APLF: variants seen among roughly 807,000 people sequenced by gnomAD.
The protein encoded by APLF is aprataxin and PNKP like factor, also known as aprataxin and PNK-like factor.
Under a neutral mutation model 55.6 loss-of-function variants are expected in APLF, and 61 were observed. The observed-to-expected ratio is 1.10, with a 90% CI of 0.89 to 1.36. The LOEUF (loss-of-function observed/expected upper bound fraction) is 1.36, where lower values mean the gene tolerates loss of function less well. Ranked by LOEUF, APLF falls within the 40% of genes most tolerant of loss-of-function variation. The pLI, the probability that APLF is intolerant of heterozygous loss-of-function variation, is 0.00. For synonymous variants in APLF, 207 were observed against 214.8 expected (o/e 0.96, Z 0.32); for missense variants, 611 against 602.5 (o/e 1.01, Z -0.15).
At chr2:68,571,008 T>G (rs1400767895) in intron 9 of APLF, among the ~76,000 whole-genome samples, 2 of 152,218 alleles carry the variant, frequency 1.3e-5, no homozygotes, top group Non-Finnish European at 2.9e-5. Context: ...TGAGATGGTA[T>G]CTCATTGTGG....
intron 2 of APLF, among the ~76,000 whole-genome samples, chr2:68,492,637 G>C (rs149818000): frequency 6.6e-6 from 1 of 151,956 alleles, no homozygotes; most frequent in Non-Finnish European, 1.5e-5. Flanking sequence ...TTATAAAAAG[G>C]CTCCTTTTTA....
At chr2:68,509,470 C>T (rs113700002) in intron 3 of APLF, among the ~76,000 whole-genome samples, 3,879 of 152,176 alleles carry the variant, frequency 0.025, 63 homozygotes, top group South Asian at 0.043. Flanking sequence ...TGAAAAAATG[C>T]TCATCATCAC....
intron 7 of APLF, among the ~76,000 whole-genome samples, chr2:68,540,370 A>G (rs1367603233): frequency 1.3e-5 from 2 of 152,124 alleles, no homozygotes; most frequent in African/African-American, 4.8e-5. Context: ...ATAATATTCC[A>G]TGGTGTATAT....
At chr2:68,484,718 C>T (rs1393244292) in intron 1 of APLF, among the ~76,000 whole-genome samples, 1 of 151,074 alleles carries the variant, frequency 6.6e-6, no homozygotes, top group Admixed American at 6.6e-5. Context: ...AGTTTAAGGC[C>T]AGGCACAGTG....
chr2:68,572,002 T>G (rs758911762), intron 9 of APLF, among the ~76,000 whole-genome samples: 5 of 152,146 alleles, frequency 3.3e-5, no homozygotes, highest in Non-Finnish European at 5.9e-5. Context: ...GATAGCTACT[T>G]TAAGGTTTCT....
chr2:68,546,278 A>G (rs770135630), intron 8 of APLF, among the ~76,000 whole-genome samples: 13 of 152,232 alleles, frequency 8.5e-5, no homozygotes, highest in Non-Finnish European at 1.6e-4. Context: ...TATATAATTT[A>G]AAGCTTTCCA....
intron 9 of APLF, among the ~76,000 whole-genome samples, chr2:68,571,670 G>C (rs1671469018): frequency 6.6e-6 from 1 of 152,170 alleles, no homozygotes. Context: ...TTTGGTACCA[G>C]TACCATGCTG....
At chr2:68,519,019 T>TATATAATATATGATTAATATATAATA (rs1669797693) in intron 5 of APLF, among the ~76,000 whole-genome samples, 1 of 111,238 alleles carries the variant, frequency 9.0e-6, no homozygotes, top group African/African-American at 4.8e-5. Context: ...TATATAATAA[T>TATATAATATATGATTAATATATAATA]ATATAATATA....
intron 9 of APLF, among the ~76,000 whole-genome samples, chr2:68,569,501 GA>G (rs1220512957): frequency 6.6e-6 from 1 of 152,108 alleles, no homozygotes; most frequent in Non-Finnish European, 1.5e-5. Context: ...AATTGATGTG[GA>G]AAGTCTCTAT....
At chr2:68,532,747 G>A (rs1670292558) in intron 6 of APLF, among the ~76,000 whole-genome samples, 1 of 152,184 alleles carries the variant, frequency 6.6e-6, no homozygotes, top group African/African-American at 2.4e-5. Context: ...ATGTGAAAAT[G>A]AGGGTACTTG....
chr2:68,472,332 C>T (rs1675642834), intron 1 of APLF, among the ~76,000 whole-genome samples: 1 of 152,074 alleles, frequency 6.6e-6, no homozygotes, highest in Non-Finnish European at 1.5e-5. Context: ...AGGACAGTTC[C>T]AAGGTATGGC....
At chr2:68,565,256 G>C (rs1056905838) in intron 8 of APLF, among the ~76,000 whole-genome samples, 1 of 152,126 alleles carries the variant, frequency 6.6e-6, no homozygotes, top group South Asian at 2.1e-4. Context: ...TTAAATTTAT[G>C]TATTTATAAT....
At chr2:68,528,580 C>A (rs1670151127) in intron 6 of APLF, 12 of 1,533,918 alleles carry the variant, frequency 7.8e-6, no homozygotes, top group Non-Finnish European at 1.0e-5. Context: ...TGTCCTCCCC[C>A]ACCGTCAGCA....
chr2:68,497,589 T>C (rs549987133), intron 2 of APLF, among the ~76,000 whole-genome samples: 1 of 152,176 alleles, frequency 6.6e-6, no homozygotes, highest in South Asian at 2.1e-4. Flanking sequence ...ACCTTTTTTT[T>C]TTTTTAAATA....
chr2:68,496,395 G>A (rs577664952), intron 2 of APLF, among the ~76,000 whole-genome samples: 116 of 152,182 alleles, frequency 7.6e-4, no homozygotes, highest in African/African-American at 2.7e-3. Flanking sequence ...GTGAGCCACC[G>A]TGCCCAGCCT....
rs1217554121 is a variant in APLF, at chr2:68,528,893, A to G, written c.804+2651A>G. On this transcript the variant is annotated intron_variant, in intron 6 of 9. Coordinates refer to ENST00000303795, the MANE Select transcript of APLF (RefSeq NM_173545.3). ...GGAAGTGAGGTTTCCCTGAGTCTCC[A>G]GGGGCCTAGAGGTGGAGGCTGCTTC... The G allele has an allele frequency of 2.3e-5, 35 of 1,517,712 alleles. No individual in the cohort carries two copies. The East Asian group carries it at 8.3e-4, about 36-fold the overall frequency. 94.0% of individuals were successfully genotyped at this position (1,517,712 alleles called of 1,614,324 possible).
chr2:68,519,057 A>AATAATATAATATATT (rs1669803242), intron 5 of APLF, among the ~76,000 whole-genome samples: 3 of 112,766 alleles, frequency 2.7e-5, no homozygotes, highest in African/African-American at 1.0e-4. Context: ...TATAATATAT[A>AATAATATAATATATT]ATTAATATAT....
chr2:68,514,420 C>T (rs572949142), intron 5 of APLF, among the ~76,000 whole-genome samples: 1 of 151,822 alleles, frequency 6.6e-6, no homozygotes, highest in East Asian at 1.9e-4. Context: ...TTATGTTCCT[C>T]TGAAGAAGTA....
At chr2:68,497,840 A>G (rs1676601072) in intron 2 of APLF, among the ~76,000 whole-genome samples, 1 of 152,152 alleles carries the variant, frequency 6.6e-6, no homozygotes, top group African/African-American at 2.4e-5. Flanking sequence ...TGCTATCCAA[A>G]ACATATGACA....
Sources: gnomAD v4.1 joint callset for allele counts (sites outside exome capture counted in the v4.1 genomes callset) on GRCh38, gnomAD v4.1.1 for gene constraint, MANE v1.5 for transcripts, NCBI Gene and HGNC (gene_info 2026-07-23, HGNC 2026-07-21) for gene names.